NLGN1: variants seen among roughly 807,000 people sequenced by gnomAD.
NLGN1 encodes the protein neuroligin 1, also known as neuroligin-1.
Under a neutral mutation model 65.5 loss-of-function variants are expected in NLGN1, and 12 were observed. The observed-to-expected ratio is 0.18, with a 90% CI of 0.12 to 0.30. The LOEUF (loss-of-function observed/expected upper bound fraction) is 0.30. NLGN1 is among the 10% of genes least tolerant of loss of function. The pLI is 1.00. For missense variants in NLGN1, 750 were observed against 1,007.1 expected (o/e 0.74, Z 3.46); for synonymous variants, 350 against 359.5 (o/e 0.97, Z 0.30).
At chr3:173,836,801 A>G (rs1200307963) in intron 4 of NLGN1, among the ~76,000 whole-genome samples, 8 of 152,204 alleles carry the variant, frequency 5.3e-5, no homozygotes, top group Admixed American at 5.2e-4. Context: ...AGTGGAATCA[A>G]AAGTTAGAAG....
In NLGN1 at chr3:173,816,945, C is replaced by A. The variant is rs993356528; in HGVS notation, c.646+9113C>A. Among the ~76,000 whole-genome samples the A allele has an allele frequency of 2.0e-5, 3 of 152,256 alleles. No individual in the cohort carries two copies. The South Asian group carries it at 6.2e-4, about 31-fold the overall frequency. On this transcript the variant is annotated intron_variant, in intron 4 of 6. Transcript: ENST00000457714. ...GTCTGCATTACTGCATTACAGTTAT[C>A]ATCCCTGATTATCTTCTGTTTATAT...
Position 173,922,384 on chromosome 3 carries a change from A to G in NLGN1, c.646+114552A>G, listed in dbSNP as rs76989749. Among the ~76,000 whole-genome samples, 150 of 152,220 alleles carry G rather than the reference A, an allele frequency of 9.9e-4. 1 individual carries two copies. In the East Asian group the frequency reaches 0.024, roughly 24 times the overall value. On this transcript the variant is annotated intron_variant, in intron 4 of 6. Transcript: ENST00000457714. ...TGTATACTACAAAAATGTGAAGAGA[A>G]TTATATATAATGTTAACTTTGCTAA...
chr3:173,628,000 T>A (rs1755077250), intron 3 of NLGN1, among the ~76,000 whole-genome samples: 1 of 152,150 alleles, frequency 6.6e-6, no homozygotes, highest in Admixed American at 6.6e-5. Flanking sequence ...TATTTTTATC[T>A]TTTGTGTGAA....
intron 4 of NLGN1, among the ~76,000 whole-genome samples, chr3:174,013,195 G>T (rs1012120041): frequency 2.0e-5 from 3 of 152,078 alleles, no homozygotes; most frequent in Non-Finnish European, 2.9e-5. Context: ...TTGGTTACGG[G>T]TATTTTCTTT....
At chr3:173,649,839 G>A (rs1015736710) in intron 3 of NLGN1, among the ~76,000 whole-genome samples, 3 of 151,864 alleles carry the variant, frequency 2.0e-5, no homozygotes, top group Admixed American at 2.0e-4. Context: ...TGTTCAATAA[G>A]AAAACTGTGT....
intron 1 of NLGN1, among the ~76,000 whole-genome samples, chr3:173,429,085 T>G (rs920427602): frequency 3.3e-5 from 5 of 152,186 alleles, no homozygotes; most frequent in Non-Finnish European, 7.4e-5. Context: ...ATAAGTTTTC[T>G]ACACCTTGCT....
intron 4 of NLGN1, among the ~76,000 whole-genome samples, chr3:174,055,279 C>CA (rs1735816886): frequency 6.6e-6 from 1 of 150,456 alleles, no homozygotes; most frequent in Non-Finnish European, 1.5e-5. Flanking sequence ...TCTGGACCCA[C>CA]AAAATAGGGA....
At chr3:173,747,798 G>C (rs7432257) in intron 3 of NLGN1, among the ~76,000 whole-genome samples, 51,110 of 83,880 alleles carry the variant, frequency 0.61, 13,597 homozygotes, top group East Asian at 0.82. Flanking sequence ...TCTTCTTCTT[G>C]TTCTTTTTTT....
chr3:173,700,406 C>T lies in NLGN1; in HGVS notation c.493+95315C>T, dbSNP rs1350996146. Among the ~76,000 whole-genome samples, 10 of 152,284 alleles carry T rather than the reference C, an allele frequency of 6.6e-5. No individual in the cohort carries two copies. The South Asian group carries it at 1.9e-3, about 28-fold the overall frequency. On this transcript the variant is annotated intron_variant, in intron 3 of 6. Transcript: ENST00000457714. ...TTCTCAAGGTGAGAAAAGATGTATT[C>T]AGGTCTCTGTATTACTGTAATGTAC... is the stretch of plus-strand genomic sequence containing the variant.
chr3:173,902,837 A>G (rs528729279), intron 4 of NLGN1, among the ~76,000 whole-genome samples: 1 of 152,218 alleles, frequency 6.6e-6, no homozygotes, highest in South Asian at 2.1e-4. Flanking sequence ...GCAAAAATGC[A>G]TTTTGTGAAC....
At chr3:173,961,900 A>G (rs373543564) in intron 4 of NLGN1, among the ~76,000 whole-genome samples, 9 of 152,124 alleles carry the variant, frequency 5.9e-5, no homozygotes, top group African/African-American at 2.2e-4. Flanking sequence ...TCCCCACAAA[A>G]ATAACTCTGG....
intron 3 of NLGN1, among the ~76,000 whole-genome samples, chr3:173,654,140 T>C (rs577682213): frequency 5.9e-5 from 9 of 152,294 alleles, no homozygotes; most frequent in African/African-American, 2.2e-4. Context: ...ATTACTGTTG[T>C]TATAAGCCAG....
chr3:173,629,237 TG>T (rs1452822716), intron 3 of NLGN1, among the ~76,000 whole-genome samples: 1 of 152,044 alleles, frequency 6.6e-6, no homozygotes, highest in Non-Finnish European at 1.5e-5. Context: ...ATTCCCAGGC[TG>T]GAGTTGATTT....
intron 4 of NLGN1, among the ~76,000 whole-genome samples, chr3:174,051,137 T>C (rs781338672): frequency 6.6e-6 from 1 of 152,066 alleles, no homozygotes; most frequent in Non-Finnish European, 1.5e-5. Context: ...GAATTCTAAT[T>C]TAACTCTTAA....
At chr3:174,152,915 A>C (rs923474920) in intron 4 of NLGN1, among the ~76,000 whole-genome samples, 1 of 152,294 alleles carries the variant, frequency 6.6e-6, no homozygotes, top group African/African-American at 2.4e-5. Context: ...AAATCATTTT[A>C]TTCATCTACT....
chr3:174,279,931 G>T lies in NLGN1; in HGVS notation c.1649+281G>T, dbSNP rs1024957853. Among the ~76,000 whole-genome samples the T allele has an allele frequency of 7.2e-5, 11 of 151,876 alleles. No homozygotes were observed. Among genetic ancestry groups the T allele is most frequent in the African/African-American group, 2.4e-4 (10 of 41,370 alleles). ...ATTATACAAGACTTGTTATTGTTCA[G>T]CAGTAATAAATATTATTTTATAGTG... On this transcript the variant is annotated intron_variant, in intron 6 of 6. Coordinates refer to ENST00000457714, the Ensembl canonical transcript of NLGN1. The surrounding 1 kb of genome is among the most constrained non-coding windows in gnomAD (Gnocchi z 4.7).
chr3:173,968,310 A>G (rs1715333458), intron 4 of NLGN1, among the ~76,000 whole-genome samples: 1 of 152,130 alleles, frequency 6.6e-6, no homozygotes, highest in Non-Finnish European at 1.5e-5. Context: ...TTGAACTGTT[A>G]TTTTATCTTC....
chr3:173,577,477 G>A (rs907647270), intron 2 of NLGN1, among the ~76,000 whole-genome samples: 15 of 152,068 alleles, frequency 9.9e-5, no homozygotes, highest in African/African-American at 3.4e-4. Flanking sequence ...TAAATAAAGG[G>A]TCAAAATTTA....
intron 4 of NLGN1, among the ~76,000 whole-genome samples, chr3:173,944,007 G>A (rs1363815164): frequency 6.6e-6 from 1 of 152,088 alleles, no homozygotes; most frequent in Non-Finnish European, 1.5e-5. Context: ...CTATTTGACA[G>A]ACATGTACAA....
Sources: allele counts gnomAD v4.1 joint callset (sites outside exome capture counted in the v4.1 genomes callset), GRCh38; gene constraint gnomAD v4.1.1; non-coding constraint Gnocchi (gnomAD v3.1); transcripts MANE v1.5; gene names NCBI Gene and HGNC (gene_info 2026-07-23, HGNC 2026-07-21).